Variants in ENPP6 observed in about 807,000 individuals in gnomAD.
The protein encoded by ENPP6 is ectonucleotide pyrophosphatase/phosphodiesterase 6.
A neutral mutation model predicts 42.0 loss-of-function variants in ENPP6; 32 were observed. The ratio of observed to expected loss-of-function variants is 0.76; its 90% CI spans 0.58 to 1.02. The LOEUF (loss-of-function observed/expected upper bound fraction) is 1.02. ENPP6 is among the 50% of genes least tolerant of loss of function. ENPP6 has a pLI of 0.00. For synonymous variants in ENPP6, 213 were observed against 216.0 expected (o/e 0.99, Z 0.12); for missense variants, 552 against 566.8 (o/e 0.97, Z 0.27).
At chr4:184,091,762 G>C (rs1033410870) in intron 7 of ENPP6, among the ~76,000 whole-genome samples, 6 of 152,090 alleles carry the variant, frequency 3.9e-5, no homozygotes, top group African/African-American at 1.4e-4. Flanking sequence ...TTTTAAACCA[G>C]GCATGGTGGT....
chr4:184,201,026 G>T (rs1423236481), intron 1 of ENPP6, among the ~76,000 whole-genome samples: 4 of 152,154 alleles, frequency 2.6e-5, no homozygotes, highest in Admixed American at 1.3e-4. Flanking sequence ...CTGCCTTCTG[G>T]ATCTTCTCTC....
At chr4:184,130,363 C>T (rs1176893606) in intron 2 of ENPP6, among the ~76,000 whole-genome samples, 1 of 149,604 alleles carries the variant, frequency 6.7e-6, no homozygotes, top group Non-Finnish European at 1.5e-5. Flanking sequence ...TCGAGACCAT[C>T]CTGGCTAACA....
chr4:184,094,357 A>C (rs1735860611), intron 7 of ENPP6, among the ~76,000 whole-genome samples: 2 of 152,278 alleles, frequency 1.3e-5, no homozygotes, highest in South Asian at 4.1e-4. Flanking sequence ...CAAAAGTATT[A>C]GAAAATATTA....
chr4:184,134,106 A>G (rs1196576104), intron 2 of ENPP6, among the ~76,000 whole-genome samples: 1 of 144,324 alleles, frequency 6.9e-6, no homozygotes, highest in Non-Finnish European at 1.6e-5. Flanking sequence ...TTGTATCAAG[A>G]TTACACTAAC....
chr4:184,134,366 T>C (rs781370429), intron 2 of ENPP6, among the ~76,000 whole-genome samples: 77 of 152,270 alleles, frequency 5.1e-4, no homozygotes, highest in Non-Finnish European at 8.2e-4. Flanking sequence ...ACTAGTGGAG[T>C]GTCTAATACT....
intron 1 of ENPP6, among the ~76,000 whole-genome samples, chr4:184,173,965 G>A (rs1737519424): frequency 6.6e-6 from 1 of 152,122 alleles, no homozygotes; most frequent in Non-Finnish European, 1.5e-5. Flanking sequence ...TGGGAACACT[G>A]CAGATCGTAA....
chr4:184,216,746 T>A (rs1342571706), intron 1 of ENPP6: 1 of 152,200 alleles, frequency 6.6e-6, no homozygotes, highest in Non-Finnish European at 1.5e-5. Flanking sequence ...AATCCAACTC[T>A]GTGAGCAGAG....
intron 7 of ENPP6, among the ~76,000 whole-genome samples, chr4:184,095,521 G>A (rs1284911067): frequency 2.6e-5 from 4 of 151,938 alleles, no homozygotes; most frequent in Non-Finnish European, 5.9e-5. Context: ...TTAGCCAGGC[G>A]TGGTGGTGGG....
Position 184,206,255 on chromosome 4 carries a change from T to A in ENPP6, c.241+11324A>T, listed in dbSNP as rs960616823. Among the ~76,000 whole-genome samples the A allele has an allele frequency of 1.5e-5, 2 of 137,914 alleles. 1 individual carries two copies. Among genetic ancestry groups the A allele is most frequent in the Admixed American group, 1.4e-4 (2 of 13,930 alleles). 90.5% of individuals were successfully genotyped at this position (137,914 alleles called of 152,430 possible). On this transcript the variant is annotated intron_variant, in intron 1 of 7. Transcript: ENST00000296741. ...AGCCCCTCAAAGGAAGCTTGAATTT[T>A]TTTTTTTTTTTTTTTTTTTTGAGAC...
At chr4:184,103,349 G>A (rs560578764) in intron 6 of ENPP6, among the ~76,000 whole-genome samples, 4 of 152,320 alleles carry the variant, frequency 2.6e-5, no homozygotes, top group African/African-American at 9.6e-5. Flanking sequence ...CCAGGGAACT[G>A]GGGAACACCG....
chr4:184,187,630 C>T (rs1305980370), intron 1 of ENPP6, among the ~76,000 whole-genome samples: 1 of 152,154 alleles, frequency 6.6e-6, no homozygotes, highest in East Asian at 1.9e-4. Flanking sequence ...ATTTGCAGAC[C>T]ACCCTAGGTA....
At chr4:184,094,265 A>G (rs1735858274) in intron 7 of ENPP6, among the ~76,000 whole-genome samples, 2 of 152,236 alleles carry the variant, frequency 1.3e-5, no homozygotes, top group Admixed American at 1.3e-4. Flanking sequence ...TGACAGAGAA[A>G]GACCATCTCT....
intron 2 of ENPP6, among the ~76,000 whole-genome samples, chr4:184,126,456 T>G (rs1335494954): frequency 6.6e-6 from 1 of 152,214 alleles, no homozygotes; most frequent in African/African-American, 2.4e-5. Flanking sequence ...AATTTTAATT[T>G]AAACAAACAT....
In ENPP6 at chr4:184,124,275, G is replaced by A. The variant is rs376361462; in HGVS notation, c.422-3C>T. ...ACCCAGAATCTCAACCTCACAGCCT[G>A]AGAAGGAAAAAGATGGCAAATAGTT... On this transcript the variant is annotated splice_region_variant and splice_polypyrimidine_tract_variant and intron_variant, in intron 2 of 7. Transcript: ENST00000296741. The A allele has an allele frequency of 2.2e-5, 35 of 1,609,434 alleles. No homozygotes were observed. The African/African-American group carries it at 3.2e-4, about 15-fold the overall frequency.
intron 2 of ENPP6, among the ~76,000 whole-genome samples, chr4:184,130,834 G>T (rs1736594041): frequency 6.6e-6 from 1 of 152,130 alleles, no homozygotes; most frequent in Non-Finnish European, 1.5e-5. Context: ...TTATTTTGTA[G>T]TGTTAATTTC....
At chr4:184,197,189 A>G (rs1732813731) in intron 1 of ENPP6, among the ~76,000 whole-genome samples, 2 of 152,204 alleles carry the variant, frequency 1.3e-5, no homozygotes, top group Non-Finnish European at 2.9e-5. Flanking sequence ...AGGATGGCCA[A>G]GCTGAGTCCA....
Position 184,091,228 on chromosome 4 carries a change from G to T in ENPP6, c.1272C>A (p.Val424=). Residue 424 remains valine, a synonymous_variant, in exon 8 of 8, where the codon GTC becomes GTA. Coordinates refer to ENST00000296741, the MANE Select transcript of ENPP6 (RefSeq NM_153343.4). Reference sequence around the variant, plus strand: ...GTGCCAGGGCACAGTGGCTGGGCCAGACAGGCGGGGCAGTGCTGGCGCGGC... The same window carrying T: ...GTGCCAGGGCACAGTGGCTGGGCCATACAGGCGGGGCAGTGCTGGCGCGGC... ...LKGRASTAPP[V]WPSHCALALI... The T allele has an allele frequency of 6.3e-7, 1 of 1,584,204 alleles. No homozygotes were observed. Among genetic ancestry groups the T allele is most frequent in the African/African-American group, 1.3e-5 (1 of 74,812 alleles).
intron 6 of ENPP6, among the ~76,000 whole-genome samples, chr4:184,100,476 C>T (rs1275774933): frequency 6.6e-6 from 1 of 152,156 alleles, no homozygotes; most frequent in Non-Finnish European, 1.5e-5. Context: ...CCACACAGCG[C>T]CACCTAGTGA....
intron 1 of ENPP6, among the ~76,000 whole-genome samples, chr4:184,176,946 C>T (rs1301921304): frequency 3.3e-5 from 5 of 152,130 alleles, no homozygotes; most frequent in Non-Finnish European, 4.4e-5. Context: ...AATCTCACCT[C>T]GTGATTGAGC....
Sources: gnomAD v4.1 joint callset for allele counts (sites outside exome capture counted in the v4.1 genomes callset) on GRCh38, gnomAD v4.1.1 for gene constraint, MANE v1.5 for transcripts, NCBI Gene and HGNC (gene_info 2026-07-23, HGNC 2026-07-21) for gene names.